ENOX2: variants seen among roughly 807,000 people sequenced by gnomAD.
ENOX2 encodes APK1 antigen.
A neutral mutation model predicts 45.0 loss-of-function variants in ENOX2; 36 were observed. The ratio of observed to expected loss-of-function variants is 0.80; its 90% confidence interval spans 0.61 to 1.06. The LOEUF is 1.06. ENOX2 is among the 50% of genes least tolerant of loss of function. ENOX2 has a pLI of 0.00. For synonymous variants in ENOX2, 174 were observed against 152.3 expected, an observed-to-expected ratio of 1.14 and a Z score of -1.05; for missense variants, 423 against 462.5, an observed-to-expected ratio of 0.91 and a Z score of 0.78.
chrX:130,657,146 C>T (rs2036571336), intron 9 of ENOX2, among the ~76,000 whole-genome samples: 1 of 111,847 alleles, frequency 8.9e-6, no homozygotes, highest in Non-Finnish European at 1.9e-5. Context: ...TTAGAAGTTA[C>T]AGCAAAGATG....
At chrX:130,642,386 A>G (rs1460287075) in intron 10 of ENOX2, among the ~76,000 whole-genome samples, 2 of 112,369 alleles carry the variant, frequency 1.8e-5, no homozygotes, top group Non-Finnish European at 3.8e-5. Flanking sequence ...CCTATGGATG[A>G]GCAAAGAAAA....
At chrX:130,645,796 T>C in intron 10 of ENOX2, 1 of 801,090 alleles carries the variant, frequency 1.2e-6, no homozygotes, top group Non-Finnish European at 1.9e-6. Context: ...GTCTTTGGGC[T>C]GTCGCTTGTC....
intron 2 of ENOX2, among the ~76,000 whole-genome samples, chrX:130,787,894 A>G (rs2076991755): frequency 9.0e-6 from 1 of 111,645 alleles, no homozygotes; most frequent in African/African-American, 3.3e-5. Flanking sequence ...TGACTCGCTG[A>G]ACACAAACCC....
chrX:130,656,030 G>A (rs755736577), intron 10 of ENOX2, among the ~76,000 whole-genome samples: 20 of 111,950 alleles, frequency 1.8e-4, no homozygotes, highest in South Asian at 3.8e-4. Context: ...GACAGAGTTC[G>A]GACTAGAACT....
intron 10 of ENOX2, among the ~76,000 whole-genome samples, chrX:130,638,196 G>A (rs1223843402): frequency 1.8e-5 from 2 of 108,876 alleles, no homozygotes; most frequent in Non-Finnish European, 3.8e-5. Context: ...AGCCTCCTGA[G>A]TAGCCGGGAC....
chrX:130,796,774 T>C (rs2077136493), intron 2 of ENOX2, among the ~76,000 whole-genome samples: 2 of 112,134 alleles, frequency 1.8e-5, no homozygotes, highest in Admixed American at 9.5e-5. Flanking sequence ...TTAATAACAG[T>C]ATTCTTTTTG....
chrX:130,793,002 C>T (rs762456476), intron 2 of ENOX2, among the ~76,000 whole-genome samples: 1 of 112,014 alleles, frequency 8.9e-6, no homozygotes, highest in African/African-American at 3.2e-5. Flanking sequence ...CATTCAAAGC[C>T]ACATCTGCAA....
chrX:130,625,478 C>T (rs775541955), intron 14 of ENOX2, 33 bp from the exon 15 acceptor site: 82 of 1,187,330 alleles, frequency 6.9e-5, no homozygotes, highest in Non-Finnish European at 8.4e-5. Flanking sequence ...CCATTCAAAA[C>T]CAGTTCTATT....
intron 3 of ENOX2, among the ~76,000 whole-genome samples, chrX:130,757,442 C>T (rs140760025): frequency 6.1e-4 from 68 of 112,139 alleles, no homozygotes; most frequent in African/African-American, 2.1e-3. Context: ...AAAGGCATGA[C>T]AGGCAGCAGA....
intron 3 of ENOX2, among the ~76,000 whole-genome samples, chrX:130,737,328 T>C (rs2038882740): frequency 8.9e-6 from 1 of 112,586 alleles, no homozygotes; most frequent in Non-Finnish European, 1.9e-5. Flanking sequence ...CATTCTCTTG[T>C]CTTTGCCTTA....
At position 130,896,483 on chromosome X, in the gene ENOX2, T is replaced by C. The variant is rs1428326008; in HGVS notation, c.-183+5201A>G. ...TTTATTTGCTCTTGAATTCTCTTAC[T>C]CTTGTGTGCTTGCTTGCTCTCTCTC... is the stretch of plus-strand genomic sequence containing the variant. On this transcript the variant is annotated intron_variant, in intron 2 of 14. Transcript: ENST00000394363. Among the ~76,000 whole-genome samples the C allele has an allele frequency of 2.6e-4, 29 of 111,877 alleles. 1 individual carries two copies. The Admixed American group carries it at 2.8e-3, about 11-fold the overall frequency.
intron 2 of ENOX2, among the ~76,000 whole-genome samples, chrX:130,846,110 T>C (rs1373509008): frequency 9.0e-6 from 1 of 111,463 alleles, no homozygotes; most frequent in Non-Finnish European, 1.9e-5. Context: ...AAAGCTCACC[T>C]GAGTCACTAG....
intron 3 of ENOX2, among the ~76,000 whole-genome samples, chrX:130,762,596 A>C (rs1372204130): frequency 9.0e-6 from 1 of 111,667 alleles, no homozygotes; most frequent in East Asian, 2.8e-4. Flanking sequence ...AAATTGCTTG[A>C]GACTTTTGCT....
intron 3 of ENOX2, among the ~76,000 whole-genome samples, chrX:130,730,186 T>C (rs1262944759): frequency 8.9e-6 from 1 of 112,278 alleles, no homozygotes; most frequent in Non-Finnish European, 1.9e-5. Context: ...AGAGGGATCA[T>C]ATAACCAAGA....
intron 2 of ENOX2, among the ~76,000 whole-genome samples, chrX:130,889,042 T>C (rs2078948670): frequency 9.0e-6 from 1 of 111,592 alleles, no homozygotes; most frequent in South Asian, 3.8e-4. Context: ...ATCCACAAGG[T>C]AAAAATCCAA....
At chrX:130,745,352 G>A (rs1453632210) in intron 3 of ENOX2, among the ~76,000 whole-genome samples, 2 of 111,385 alleles carry the variant, frequency 1.8e-5, no homozygotes, top group Non-Finnish European at 3.8e-5. Context: ...CTAAAGTATA[G>A]CACAAATGAT....
At chrX:130,764,203 A>G (rs1200746159) in intron 3 of ENOX2, among the ~76,000 whole-genome samples, 1 of 111,111 alleles carries the variant, frequency 9.0e-6, no homozygotes, top group Non-Finnish European at 1.9e-5. Flanking sequence ...TTAAATATAT[A>G]ATATCCAGGG....
chrX:130,843,205 C>CACCT (rs1392961462), intron 2 of ENOX2, among the ~76,000 whole-genome samples: 1 of 111,586 alleles, frequency 9.0e-6, no homozygotes, highest in Non-Finnish European at 1.9e-5. Flanking sequence ...GCTCACACCC[C>CACCT]ACCTAGCTGC....
Position 130,829,667 on chromosome X carries a change from C to T in ENOX2, c.-182-45977G>A, listed in dbSNP as rs188602685. On this transcript the variant is annotated intron_variant, in intron 2 of 14. Coordinates refer to ENST00000394363, the MANE Select transcript of ENOX2 (RefSeq NM_006375.4). ...TACATGCCAGAAACTGTTCTAGGAG[C>T]TTTACACACATTGACTCATTCAATC... Among the ~76,000 whole-genome samples, 449 of 111,432 alleles carry T rather than the reference C, an allele frequency of 4.0e-3. 2 individuals carry two copies. The highest frequency in any genetic ancestry group is 0.014 in the African/African-American group (432 of 30,728).
Sources: allele counts gnomAD v4.1 joint callset (sites outside exome capture counted in the v4.1 genomes callset), GRCh38; gene constraint gnomAD v4.1.1; transcripts MANE v1.5; gene names NCBI Gene and HGNC (gene_info 2026-07-23, HGNC 2026-07-21).